The following CDC42 variants were observed in gnomAD, a reference collection of about 807,000 sequenced individuals.
The protein encoded by CDC42 is cell division cycle 42, also known as cell division control protein 42 homolog.
A neutral mutation model predicts 20.8 loss-of-function variants in CDC42; 1 was observed. The observed-to-expected ratio is 0.05, with a 90% CI of 0.02 to 0.23. CDC42 has a LOEUF of 0.23. Among genes scored for constraint, CDC42 ranks in the 10% least tolerant of loss-of-function variants. The pLI is 1.00. For missense variants in CDC42, 49 were observed against 227.9 expected (o/e 0.21, Z 5.05); for synonymous variants, 72 against 84.8 (o/e 0.85, Z 0.83).
At chr1:22,063,700 G>A (rs530590812) in intron 1 of CDC42, among the ~76,000 whole-genome samples, 26 of 152,120 alleles carry the variant, frequency 1.7e-4, no homozygotes, top group African/African-American at 6.3e-4. Flanking sequence ...TAATAACATT[G>A]TATTACTTTG....
Position 22,095,943 on chromosome 1 carries a change from A to T in CDC42, c.*4426A>T, listed in dbSNP as rs531976585. Among the ~76,000 whole-genome samples, 83 of 150,060 alleles carry T rather than the reference A, an allele frequency of 5.5e-4. 1 individual carries two copies. The highest frequency in any genetic ancestry group is 5.4e-3 in the South Asian group (26 of 4,812). On this transcript the variant is annotated 3_prime_UTR_variant, in exon 6 of 6. Transcript: ENST00000656825. ...GTCAGTGCTATTCATTCATTTTTTT[A>T]AAAAAATTTATTTATTTATTTATTT...
At chr1:22,058,567 C>T (rs1398853928) in intron 1 of CDC42, among the ~76,000 whole-genome samples, 1 of 151,390 alleles carries the variant, frequency 6.6e-6, no homozygotes, top group East Asian at 1.9e-4. Context: ...ACTGCAACCT[C>T]CACCTCCCGG....
Position 22,087,616 on chromosome 1 carries a change from A to T in CDC42, c.486+750A>T, listed in dbSNP as rs559098326. The stretch of plus-strand genomic sequence containing the variant: ...TGTTCTGGGGGCAAAGGAAAAGGTT[A>T]TGGAAATAATTAGCACAAAAGTTTT... On this transcript the variant is annotated intron_variant, in intron 5 of 5. Transcript: ENST00000656825. Among the ~76,000 whole-genome samples the T allele has an allele frequency of 1.4e-4, 22 of 152,334 alleles. No individual in the cohort carries two copies. The East Asian group carries it at 4.2e-3, about 29-fold the overall frequency.
At chr1:22,085,201 C>T (rs1441285667) in intron 3 of CDC42, among the ~76,000 whole-genome samples, 1 of 143,898 alleles carries the variant, frequency 6.9e-6, no homozygotes, top group Non-Finnish European at 1.5e-5. Context: ...CACTGCACTC[C>T]AGCCTGGGTG....
At chr1:22,063,516 T>C (rs1173148939) in intron 1 of CDC42, among the ~76,000 whole-genome samples, 1 of 152,198 alleles carries the variant, frequency 6.6e-6, no homozygotes. Context: ...GAACCTACTC[T>C]ATTTTAACAG....
At position 22,099,311 on chromosome 1, in the gene CDC42, T is replaced by C. The variant is rs1196338792; in HGVS notation, c.*7794T>C. 1.3e-5 allele frequency among the ~76,000 whole-genome samples: 2 copies of C among 152,228 alleles called. No homozygotes were observed. Among genetic ancestry groups the C allele is most frequent in the Non-Finnish European group, 2.9e-5 (2 of 68,040 alleles). On this transcript the variant is annotated 3_prime_UTR_variant, in exon 6 of 6. Transcript: ENST00000656825. Reference sequence around the variant, plus strand: ...GAAATAACAGCTTTGTTAATTGAGCTCTTACTGTGTGCCTTTGCACTGTGT... The same window carrying C: ...GAAATAACAGCTTTGTTAATTGAGCCCTTACTGTGTGCCTTTGCACTGTGT...
At chr1:22,070,443 C>CTTTTTT (rs567184632) in intron 1 of CDC42, among the ~76,000 whole-genome samples, 2 of 60,370 alleles carry the variant, frequency 3.3e-5, no homozygotes, top group African/African-American at 6.6e-5. Context: ...GCCTTTGCCT[C>CTTTTTT]TTTTTTTTTT....
intron 1 of CDC42, among the ~76,000 whole-genome samples, chr1:22,062,056 C>T (rs1203453400): frequency 6.6e-6 from 1 of 152,072 alleles, no homozygotes; most frequent in African/African-American, 2.4e-5. Context: ...CTGCCTCAGC[C>T]TCCCGAGTAG....
intron 1 of CDC42, among the ~76,000 whole-genome samples, chr1:22,063,833 G>C (rs1482483734): frequency 1.3e-5 from 2 of 151,950 alleles, no homozygotes; most frequent in Admixed American, 6.6e-5. Context: ...TGATTCTTGT[G>C]CCTCAGCCTC....
At chr1:22,090,647 A>G in intron 5 of CDC42, 2 of 985,492 alleles carry the variant, frequency 2.0e-6, no homozygotes, top group Non-Finnish European at 2.4e-6. Context: ...TTATCTTTTA[A>G]GAATAACATC....
intron 1 of CDC42, among the ~76,000 whole-genome samples, chr1:22,056,410 A>G (rs1188497812): frequency 6.6e-6 from 1 of 152,160 alleles, no homozygotes; most frequent in Non-Finnish European, 1.5e-5. Context: ...GATGACTACT[A>G]GTTCTCTTAC....
intron 2 of CDC42, chr1:22,078,848 A>T (rs761966253): frequency 1.5e-6 from 2 of 1,375,332 alleles, no homozygotes; most frequent in African/African-American, 2.9e-5. Context: ...GGTGGTCTCA[A>T]TTTGGTGAAG....
rs948414676 is a variant in CDC42, at chr1:22,098,031, C to T, written c.*6514C>T. Among the ~76,000 whole-genome samples the T allele has an allele frequency of 3.9e-5, 6 of 152,102 alleles. No homozygotes were observed. The highest frequency in any genetic ancestry group is 1.4e-4 in the African/African-American group (6 of 41,406). On this transcript the variant is annotated 3_prime_UTR_variant, in exon 6 of 6. Transcript: ENST00000656825. ...CACAGGATCATAACTGTTCTGTTTG[C>T]TCTGATGCGTCCCGCAGAGCAGTGC...
Position 22,096,778 on chromosome 1 carries a change from G to A in CDC42, c.*5261G>A, listed in dbSNP as rs1022348160. On this transcript the variant is annotated 3_prime_UTR_variant, in exon 6 of 6. Transcript: ENST00000656825. ...GCCCTTCCAAAGATACTTTATGAAC[G>A]ACTTGTAATAATTTAGTGATTTTAT... Among the ~76,000 whole-genome samples the A allele has an allele frequency of 6.6e-6, 1 of 152,214 alleles. No homozygotes were observed. Among genetic ancestry groups the A allele is most frequent in the Non-Finnish European group, 1.5e-5 (1 of 68,034 alleles).
chr1:22,081,410 A>G (rs192597469), intron 2 of CDC42, among the ~76,000 whole-genome samples: 205 of 152,332 alleles, frequency 1.3e-3, no homozygotes, highest in African/African-American at 4.7e-3. Flanking sequence ...CTGTCTGAAA[A>G]GTTTCAAACT....
At chr1:22,077,031 C>T (rs1200735197) in intron 1 of CDC42, among the ~76,000 whole-genome samples, 5 of 152,028 alleles carry the variant, frequency 3.3e-5, no homozygotes, top group African/African-American at 1.2e-4. Context: ...TGGCATGCGT[C>T]TGTGGTTCCA....
At chr1:22,090,827 C>A in intron 5 of CDC42, 2 of 984,434 alleles carry the variant, frequency 2.0e-6, no homozygotes, top group Non-Finnish European at 1.2e-6. Context: ...AAGCTTTATT[C>A]CTGTTGCACT....
At chr1:22,071,456 A>G (rs1017257573) in intron 1 of CDC42, among the ~76,000 whole-genome samples, 3 of 152,188 alleles carry the variant, frequency 2.0e-5, no homozygotes, top group East Asian at 3.8e-4. Flanking sequence ...TTGTTAGCAC[A>G]CTTGCATACG....
In CDC42 at chr1:22,086,879, T is replaced by C. The variant is rs777029420; in HGVS notation, c.486+13T>C. The C allele has an allele frequency of 3.7e-6, 6 of 1,603,654 alleles. No homozygotes were observed. In the African/African-American group the frequency reaches 8.0e-5, roughly 21 times the overall value. On this transcript the variant is annotated intron_variant, in intron 5 of 5. Coordinates refer to ENST00000656825, the MANE Select transcript of CDC42 (RefSeq NM_001791.4). ...TGCACTTACACAGGTAAGAATGGCA[T>C]GAAACCCCATGTGTATTTATGGTCG...
Sources: gnomAD v4.1 joint callset for allele counts (sites outside exome capture counted in the v4.1 genomes callset) on GRCh38, gnomAD v4.1.1 for gene constraint, MANE v1.5 for transcripts, NCBI Gene and HGNC (gene_info 2026-07-23, HGNC 2026-07-21) for gene names.